SMAD1: variants seen among roughly 807,000 people sequenced by gnomAD.
SMAD1 encodes SMAD family member 1, also known as MAD, mothers against decapentaplegic homolog 1.
Under a neutral mutation model 41.6 loss-of-function variants are expected in SMAD1, and 6 were observed. The observed-to-expected ratio is 0.14, with a 90% CI of 0.08 to 0.28. The LOEUF is 0.28. Among genes scored for constraint, SMAD1 ranks in the 10% least tolerant of loss-of-function variants. The pLI is 1.00. For synonymous variants in SMAD1, 206 were observed against 203.2 expected (o/e 1.01, Z -0.12); for missense variants, 379 against 582.6 (o/e 0.65, Z 3.60).
intron 1 of SMAD1, among the ~76,000 whole-genome samples, chr4:145,489,344 T>G (rs1160501857): frequency 6.6e-6 from 1 of 152,164 alleles, no homozygotes; most frequent in Admixed American, 6.5e-5. Flanking sequence ...TGAAAGTGTT[T>G]GAACATGCAG....
chr4:145,549,118 G>A (rs1317362800), intron 5 of SMAD1, among the ~76,000 whole-genome samples: 1 of 152,126 alleles, frequency 6.6e-6, no homozygotes, highest in Non-Finnish European at 1.5e-5. Context: ...ACAAAGGTAT[G>A]GAAATGTTCC....
chr4:145,484,018 G>A (rs1251338642), intron 1 of SMAD1, among the ~76,000 whole-genome samples: 2 of 148,946 alleles, frequency 1.3e-5, no homozygotes, highest in Non-Finnish European at 3.0e-5. Flanking sequence ...TTAAGAGGAA[G>A]TTGTCACATT....
chr4:145,531,572 C>A (rs148481411), intron 2 of SMAD1, among the ~76,000 whole-genome samples: 59 of 152,254 alleles, frequency 3.9e-4, no homozygotes, highest in African/African-American at 1.3e-3. Flanking sequence ...ACATGAGCAG[C>A]ATTCTCATCC....
At chr4:145,517,065 C>T (rs557785930) in intron 2 of SMAD1, 1 of 152,258 alleles carries the variant, frequency 6.6e-6, no homozygotes, top group Non-Finnish European at 1.5e-5. Flanking sequence ...CTGGTCACCC[C>T]CTTCAGTCCA....
intron 2 of SMAD1, among the ~76,000 whole-genome samples, chr4:145,523,353 C>T (rs889355150): frequency 1.3e-5 from 2 of 152,186 alleles, no homozygotes; most frequent in African/African-American, 2.4e-5. Flanking sequence ...ACACATATAA[C>T]ACATGGTGTT....
At position 145,536,028 on chromosome 4, in the gene SMAD1, TTAG is replaced by T. The variant is rs143092478; in HGVS notation, c.401-3772_401-3770del. ...AAAGAGAATAAACCCAAAACTTGTC[TTAG>T]TAGGTTTATTTTATAATTTCTGAAA... On this transcript the variant is annotated intron_variant, in intron 2 of 6. Coordinates refer to ENST00000302085, the MANE Select transcript of SMAD1 (RefSeq NM_005900.3). Among the ~76,000 whole-genome samples, 581 of 152,052 alleles carry T rather than the reference TTAG, an allele frequency of 3.8e-3. 4 individuals are homozygous for T. The highest frequency in any genetic ancestry group is 0.014 in the African/African-American group (565 of 41,470).
chr4:145,517,129 ACTTTTCCCTACTCTT>A (rs1730451837), intron 2 of SMAD1: 1 of 152,118 alleles, frequency 6.6e-6, no homozygotes, highest in Non-Finnish European at 1.5e-5. Flanking sequence ...TTGTTGTCCT[ACTTTTCCCTACTCTT>A]GAGAAGTCCT....
At chr4:145,484,154 G>A (rs1374554299) in intron 1 of SMAD1, among the ~76,000 whole-genome samples, 5 of 152,172 alleles carry the variant, frequency 3.3e-5, no homozygotes, top group African/African-American at 1.2e-4. Flanking sequence ...GAAGTAGCTT[G>A]GGTATAGTAA....
chr4:145,542,589 G>A lies in SMAD1; in HGVS notation c.666G>A (p.Thr222=), dbSNP rs752874837. 32 of 1,603,532 alleles carry A rather than the reference G, an allele frequency of 2.0e-5. No homozygotes were observed. The Admixed American group carries it at 3.9e-4, about 20-fold the overall frequency. The change falls in exon 4 of 7, where the codon ACG becomes ACA. Residue 222 remains threonine (T), a synonymous_variant. Coordinates refer to ENST00000302085, the MANE Select transcript of SMAD1 (RefSeq NM_005900.3). ...PGSPFQMPAD[T]PPPAYLPPED... ...TCTTTAAAAACTTTGTAGCTGATACGCCCCCACCTGCTTACCTGCCTCCTG... is the reference window on the plus strand; with the variant it reads ...TCTTTAAAAACTTTGTAGCTGATACACCCCCACCTGCTTACCTGCCTCCTG...
intron 2 of SMAD1, among the ~76,000 whole-genome samples, chr4:145,521,954 A>T (rs1730763766): frequency 6.6e-6 from 1 of 151,522 alleles, no homozygotes; most frequent in Admixed American, 6.6e-5. Flanking sequence ...CTCTTTGTGC[A>T]CTTTTCATTT....
chr4:145,556,887 A>T (rs1732866937), intron 6 of SMAD1, among the ~76,000 whole-genome samples: 1 of 152,062 alleles, frequency 6.6e-6, no homozygotes, highest in African/African-American at 2.4e-5. Context: ...CATTTTGGCC[A>T]GGCTGGTTTC....
At chr4:145,540,830 G>A (rs895227882) in intron 3 of SMAD1, among the ~76,000 whole-genome samples, 2 of 151,648 alleles carry the variant, frequency 1.3e-5, no homozygotes, top group East Asian at 3.9e-4. Flanking sequence ...TAATGTTTTC[G>A]GAAGGGAAAA....
intron 4 of SMAD1, chr4:145,546,033 TATAAG>T (rs1732230980): frequency 6.6e-6 from 1 of 152,424 alleles, no homozygotes; most frequent in African/African-American, 2.4e-5. Context: ...TTAAAGCAAA[TATAAG>T]GAAGTTAGCA....
chr4:145,510,998 T>A (rs1413832076), intron 1 of SMAD1, among the ~76,000 whole-genome samples: 1 of 152,200 alleles, frequency 6.6e-6, no homozygotes, highest in Non-Finnish European at 1.5e-5. Context: ...TGAAGTCTGT[T>A]TTATCTGAAT....
intron 2 of SMAD1, among the ~76,000 whole-genome samples, chr4:145,528,074 C>G (rs1731125590): frequency 6.6e-6 from 1 of 150,802 alleles, no homozygotes. Flanking sequence ...CACACACACA[C>G]ACACACACAC....
At chr4:145,484,320 C>T (rs1384563595) in intron 1 of SMAD1, among the ~76,000 whole-genome samples, 3 of 152,144 alleles carry the variant, frequency 2.0e-5, no homozygotes, top group African/African-American at 7.2e-5. Flanking sequence ...TCTCCAGAGA[C>T]GGCAGAGAAA....
At position 145,558,456 on chromosome 4, in the gene SMAD1, CATA is replaced by C. The variant is rs1313869744; in HGVS notation, c.*528_*530del. ...AGTAAAGGTTAATCTTGATGATATA[CATA>C]ATAATCTTTCTAAAATTGTATGCTG... On this transcript the variant is annotated 3_prime_UTR_variant, in exon 7 of 7. Transcript: ENST00000302085. Among the ~76,000 whole-genome samples, 1 of 152,116 alleles carries C rather than the reference CATA, an allele frequency of 6.6e-6. No individual in the cohort carries two copies. Among genetic ancestry groups the C allele is most frequent in the Non-Finnish European group, 1.5e-5 (1 of 68,024 alleles).
intron 2 of SMAD1, among the ~76,000 whole-genome samples, chr4:145,523,460 A>C (rs1271834907): frequency 6.6e-6 from 1 of 152,244 alleles, no homozygotes; most frequent in Non-Finnish European, 1.5e-5. Flanking sequence ...ATAGAAAAGA[A>C]TTACTAATAA....
Position 145,557,964 on chromosome 4 carries a change from T to C in SMAD1, c.*30T>C. The C allele has an allele frequency of 6.4e-7, 1 of 1,563,014 alleles. No individual in the cohort carries two copies. The highest frequency in any genetic ancestry group is 8.7e-7 in the Non-Finnish European group (1 of 1,148,440). On this transcript the variant is annotated 3_prime_UTR_variant, in exon 7 of 7. Transcript: ENST00000302085. ...CCCCAGGCATCTGCCTCTGGAAAAC[T>C]ATTGAGCCTTGCATGTACTTGAAGG...
Sources: gnomAD v4.1 joint callset for allele counts (sites outside exome capture counted in the v4.1 genomes callset) on GRCh38, gnomAD v4.1.1 for gene constraint, MANE v1.5 for transcripts, NCBI Gene and HGNC (gene_info 2026-07-23, HGNC 2026-07-21) for gene names.